Variants in LILRB4 observed in about 807,000 individuals in gnomAD.
LILRB4 encodes the protein leukocyte immunoglobulin-like receptor subfamily B member 4.
A neutral mutation model predicts 55.2 loss-of-function variants in LILRB4; 49 were observed. The ratio of observed to expected loss-of-function variants is 0.89; its 90% CI spans 0.71 to 1.13. LILRB4 has a LOEUF of 1.13. LILRB4 is among the 50% of genes most tolerant of loss of function. LILRB4 has a pLI of 0.00. For synonymous variants in LILRB4, 229 were observed against 213.8 expected, an observed-to-expected ratio of 1.07 and a Z score of -0.62; for missense variants, 590 against 555.2, an observed-to-expected ratio of 1.06 and a Z score of -0.63.
rs759587165 is a variant in LILRB4 at position 54,666,661 on chromosome 19, T to G, written c.989-36T>G. 1.9e-6 allele frequency: 3 copies of G among 1,609,038 alleles called. No homozygotes were observed. In the East Asian group the frequency reaches 6.7e-5, roughly 36 times the overall value. Reference sequence around the variant, plus strand: ...CAGGAATGAGAGGTCCCAGGGAACCTTCCCAGGAGATGAACCCCTTGCTCT... The same window carrying G: ...CAGGAATGAGAGGTCCCAGGGAACCGTCCCAGGAGATGAACCCCTTGCTCT... On this transcript the variant is annotated intron_variant, in intron 9 of 11. Coordinates refer to ENST00000430952, the Ensembl canonical transcript of LILRB4. This position sits in a 1 kb window ranked among gnomAD's most constrained non-coding sequence, Gnocchi z 4.8.
chr19:54,665,052 A>C lies in LILRB4; in HGVS notation c.707-78A>C. 3 of 1,559,102 alleles carry C rather than the reference A, an allele frequency of 1.9e-6. No individual in the cohort carries two copies. The highest frequency in any genetic ancestry group is 2.6e-6 in the Non-Finnish European group (3 of 1,133,544). On this transcript the variant is annotated intron_variant, in intron 5 of 11. Transcript: ENST00000430952. This position sits in a 1 kb window ranked among gnomAD's most constrained non-coding sequence, Gnocchi z 5.5. The stretch of plus-strand genomic sequence containing the variant: ...TGAGGGGTGAGGGGGTCAAGGCTGA[A>C]GGAGATGTTGCGGGGAGAAGCCGAG...
chr19:54,664,031 G>T (rs1312112072), exon 3 of LILRB4: 1 of 1,604,446 alleles, frequency 6.2e-7, no homozygotes, highest in Non-Finnish European at 8.5e-7. Flanking sequence ...TGGAGCTGGT[G>T]ATGACAGGTG....
In LILRB4 at chr19:54,665,217, C is replaced by G. The variant is rs2065214263; in HGVS notation, c.757+37C>G. On this transcript the variant is annotated intron_variant, in intron 6 of 11. Coordinates refer to ENST00000430952, the Ensembl canonical transcript of LILRB4. The surrounding 1 kb of genome is among the most constrained non-coding windows in gnomAD (Gnocchi z 5.5). Reference sequence around the variant, plus strand: ...GCTCTGAGTGGGAGGTGGGCAGGGTCTAGGGGAGCCAAGGGTGGGTTCTGT... The same window carrying G: ...GCTCTGAGTGGGAGGTGGGCAGGGTGTAGGGGAGCCAAGGGTGGGTTCTGT... 1.3e-6 allele frequency: 2 copies of G among 1,561,944 alleles called. No individual in the cohort carries two copies. Among genetic ancestry groups the G allele is most frequent in the Admixed American group, 1.8e-5 (1 of 54,184 alleles).
At chr19:54,664,960 C>G (rs778061158) in intron 5 of LILRB4, 111 bp downstream of exon 5, 15 of 1,377,040 alleles carry the variant, frequency 1.1e-5, no homozygotes, top group Non-Finnish European at 1.5e-5. Context: ...CTTGCTTCCA[C>G]GGGTGTGGGA....
chr19:54,663,746 T>C lies in LILRB4; in HGVS notation c.71-8T>C. ...GGTCTTGGGATCCAGCCTCTGATTT[T>C]CTTCCAGGGCCCCTCCCCAAACCCA... On this transcript the variant is annotated splice_region_variant and splice_polypyrimidine_tract_variant and intron_variant, in intron 2 of 11. Transcript: ENST00000430952. 6.2e-7 allele frequency: 1 copy of C among 1,613,640 alleles called. No individual in the cohort carries two copies. Among genetic ancestry groups the C allele is most frequent in the Non-Finnish European group, 8.5e-7 (1 of 1,179,810 alleles).
In LILRB4 at chr19:54,667,069, T is replaced by C. The variant is rs556492557; in HGVS notation, c.1041+320T>C. 391 of 630,472 alleles carry C rather than the reference T, an allele frequency of 6.2e-4. 1 individual carries two copies. The highest frequency in any genetic ancestry group is 1.0e-3 in the Middle Eastern group (3 of 2,864). The allele number at this position is 630,472 out of a possible 1,614,324, so 39.1% of individuals were successfully genotyped here. ...GGCTCCCCTTCATTCATTCATCTAG[T>C]GAGTGTTCCCAGGGAGCTCACTGTG... is the stretch of plus-strand genomic sequence containing the variant. On this transcript the variant is annotated intron_variant, in intron 10 of 11. Transcript: ENST00000430952.
intron 5 of LILRB4, 87 bp downstream of exon 5, chr19:54,664,936 A>C: frequency 1.4e-6 from 2 of 1,439,034 alleles, no homozygotes; most frequent in Non-Finnish European, 1.9e-6. Context: ...TCCTCGTTCC[A>C]ATTCTCAGCT....
chr19:54,664,024 A>G, exon 3 of LILRB4: 2 of 1,613,964 alleles, frequency 1.2e-6, no homozygotes, highest in Non-Finnish European at 1.7e-6. Flanking sequence ...GACCCCCTGG[A>G]GCTGGTGATG....
exon 1 of LILRB4, chr19:54,663,060 C>G (rs761632539): frequency 1.1e-5 from 17 of 1,613,634 alleles, no homozygotes; most frequent in Non-Finnish European, 1.4e-5. Flanking sequence ...CGGCTCTGCT[C>G]TGCCTCGGTG....
rs1280978488 is a variant in LILRB4, at chr19:54,666,693, G to A, written c.989-4G>A. 1 of 1,614,082 alleles carries A rather than the reference G, an allele frequency of 6.2e-7. No individual in the cohort carries two copies. The highest frequency in any genetic ancestry group is 8.5e-7 in the Non-Finnish European group (1 of 1,179,940). ...GAGATGAACCCCTTGCTCTACCCCA[G>A]CAGGTGCTGCCGTGAAGAACACACA... On this transcript the variant is annotated splice_polypyrimidine_tract_variant and splice_region_variant and intron_variant, in intron 9 of 11. Coordinates refer to ENST00000430952, the Ensembl canonical transcript of LILRB4. The surrounding 1 kb of genome is among the most constrained non-coding windows in gnomAD (Gnocchi z 4.8).
exon 3 of LILRB4, chr19:54,663,905 A>T: frequency 6.2e-7 from 1 of 1,614,114 alleles, no homozygotes; most frequent in Non-Finnish European, 8.5e-7. Flanking sequence ...GACAGAACCC[A>T]CTGGAGCCCA....
chr19:54,665,772 C>T lies in LILRB4; in HGVS notation c.758-43C>T, dbSNP rs778329416. ...TAGGTGCACACACAGTAGGTGTGCA[C>T]ATCAATGACATCATCCCCATTCCTG... On this transcript the variant is annotated intron_variant, in intron 6 of 11. Coordinates refer to ENST00000430952, the Ensembl canonical transcript of LILRB4. The surrounding 1 kb of genome is among the most constrained non-coding windows in gnomAD (Gnocchi z 5.5). 2 of 1,563,252 alleles carry T rather than the reference C, an allele frequency of 1.3e-6. No homozygotes were observed. The highest frequency in any genetic ancestry group is 1.7e-6 in the Non-Finnish European group (2 of 1,153,534).
At chr19:54,668,148 G>A (rs1047261909) in exon 12 of LILRB4, 52 of 1,024,644 alleles carry the variant, frequency 5.1e-5, no homozygotes, top group Admixed American at 1.0e-4. Flanking sequence ...AGAAGATTCC[G>A]GGAACGTTGG....
intron 1 of LILRB4, among the ~76,000 whole-genome samples, 161 bp from the exon 2 acceptor site, chr19:54,663,371 G>T (rs1470072649): frequency 1.4e-5 from 2 of 147,092 alleles, no homozygotes; most frequent in South Asian, 4.3e-4. Context: ...GCGTGAACCC[G>T]GGAGGCGGAG....
At chr19:54,663,651 A>T in intron 2 of LILRB4, 84 bp downstream of exon 2, 1 of 1,610,800 alleles carries the variant, frequency 6.2e-7, no homozygotes, top group South Asian at 1.1e-5. Flanking sequence ...AGGAGACAGC[A>T]GTTCTGGGTG....
exon 11 of LILRB4, chr19:54,667,644 C>T (rs771200964): frequency 1.7e-5 from 28 of 1,611,328 alleles, no homozygotes; most frequent in Middle Eastern, 2.2e-4. Context: ...GCAGAGCCCA[C>T]ACGATGAAGA....
chr19:54,664,044 A>G lies in LILRB4; in HGVS notation c.355+6A>G. ...CCTGGAGCTGGTGATGACAGGTGAGAGGACACTCAGGGGTCCCAGCCCCAG... is the reference window on the plus strand; with the variant it reads ...CCTGGAGCTGGTGATGACAGGTGAGGGGACACTCAGGGGTCCCAGCCCCAG... On this transcript the variant is annotated splice_donor_region_variant and intron_variant, in intron 3 of 11. Transcript: ENST00000430952. The G allele has an allele frequency of 1.3e-6, 2 of 1,597,088 alleles. No individual in the cohort carries two copies. Among genetic ancestry groups the G allele is most frequent in the Non-Finnish European group, 1.7e-6 (2 of 1,172,088 alleles).
exon 4 of LILRB4, chr19:54,664,404 A>G (rs768155833): frequency 3.5e-5 from 56 of 1,611,456 alleles, no homozygotes; most frequent in Non-Finnish European, 4.7e-5. Context: ...GCACGGGGGG[A>G]CCTACAGGTG....
rs2065149839 is a variant in LILRB4 at position 54,664,124 on chromosome 19, A to AGCCCC, written c.356-58_356-57insCGCCC. 3 of 1,593,506 alleles carry AGCCCC rather than the reference A, an allele frequency of 1.9e-6. No individual in the cohort carries two copies. The Admixed American group carries it at 5.1e-5, about 27-fold the overall frequency. ...CAGGGGCATCTCCCTCTCACAGCCC[A>AGCCCC]GCCCTGGGGATGATGTGGGAGGTGG... On this transcript the variant is annotated intron_variant, in intron 3 of 11. Coordinates refer to ENST00000430952, the Ensembl canonical transcript of LILRB4.
Sources: gnomAD v4.1 joint callset for allele counts (sites outside exome capture counted in the v4.1 genomes callset) on GRCh38, gnomAD v4.1.1 for gene constraint, Gnocchi (gnomAD v3.1) non-coding constraint, MANE v1.5 for transcripts, NCBI Gene and HGNC (gene_info 2026-07-23, HGNC 2026-07-21) for gene names.